Variants in DSG4 observed in about 807,000 individuals in gnomAD.
DSG4 encodes desmoglein-4.
DSG4 carries 87 observed loss-of-function variants against 93.1 expected under a neutral mutation model. The ratio of observed to expected loss-of-function variants is 0.93; its 90% CI spans 0.79 to 1.12. The LOEUF is 1.12. Among genes scored for constraint, DSG4 ranks in the 50% most tolerant of loss-of-function variants. DSG4 has a pLI of 0.00. For synonymous variants in DSG4, 432 were observed against 452.9 expected, an observed-to-expected ratio of 0.95 and a Z score of 0.59; for missense variants, 1,373 against 1,285.7, an observed-to-expected ratio of 1.07 and a Z score of -1.04.
At chr18:31,397,650 GGAGA>G (rs2072319666) in intron 8 of DSG4, among the ~76,000 whole-genome samples, 1 of 152,062 alleles carries the variant, frequency 6.6e-6, no homozygotes, top group Admixed American at 6.6e-5. Context: ...TGTTCAATGG[GGAGA>G]GAACTATTAA....
intron 1 of DSG4, among the ~76,000 whole-genome samples, chr18:31,378,083 G>A (rs1296398400): frequency 1.3e-5 from 2 of 152,182 alleles, no homozygotes; most frequent in East Asian, 3.9e-4. Context: ...CACTGCCAAA[G>A]GGCACACAAC....
At chr18:31,411,204 T>C (rs770386176) in intron 14 of DSG4, 27 bp from the exon 15 acceptor site, 6 of 1,614,256 alleles carry the variant, frequency 3.7e-6, no homozygotes, top group Middle Eastern at 1.6e-4. Flanking sequence ...ACTCCAGCGC[T>C]GTTAAACCAA....
intron 8 of DSG4, among the ~76,000 whole-genome samples, chr18:31,394,171 ACT>A (rs2072279303): frequency 6.6e-6 from 1 of 152,096 alleles, no homozygotes; most frequent in East Asian, 1.9e-4. Flanking sequence ...TGAGATAGAA[ACT>A]CTGTATGATA....
At chr18:31,400,675 G>A (rs530568961) in intron 9 of DSG4, among the ~76,000 whole-genome samples, 20 of 152,052 alleles carry the variant, frequency 1.3e-4, no homozygotes, top group Non-Finnish European at 2.5e-4. Flanking sequence ...TAAAAATGAT[G>A]AAATTTTAAA....
intron 12 of DSG4, among the ~76,000 whole-genome samples, chr18:31,408,283 T>C (rs1489621266): frequency 6.6e-6 from 1 of 152,220 alleles, no homozygotes; most frequent in African/African-American, 2.4e-5. Context: ...TCATTTCATT[T>C]ATTAGATAGT....
chr18:31,395,167 A>G (rs1345766428), intron 8 of DSG4, among the ~76,000 whole-genome samples: 1 of 152,090 alleles, frequency 6.6e-6, no homozygotes, highest in Non-Finnish European at 1.5e-5. Flanking sequence ...ACTTCTGCAT[A>G]CAATTATAAA....
chr18:31,381,744 C>T (rs1486763828), intron 1 of DSG4, among the ~76,000 whole-genome samples: 4 of 152,112 alleles, frequency 2.6e-5, no homozygotes, highest in African/African-American at 7.2e-5. Context: ...ACTGCAACGT[C>T]CCCCTCCCAG....
At position 31,392,215 on chromosome 18, in the gene DSG4, G is replaced by T. The variant is rs1029108052; in HGVS notation, c.880G>T (p.Asp294Tyr). Reference sequence around the variant, plus strand: ...GGAACTGATACGATTACAAGCAATTGATCTTGATGAAGAAGGCACTGATAA... The same window carrying T: ...GGAACTGATACGATTACAAGCAATTTATCTTGATGAAGAAGGCACTGATAA... ...SSELIRLQAI[D>Y]LDEEGTDNWL... The change falls in exon 8 of 16, where the codon GAT becomes TAT. Residue 294 changes from aspartate (D) to tyrosine (Y), a missense_variant. By Grantham distance (160) the Asp-to-Tyr change is radical (BLOSUM62 -3). Coordinates refer to ENST00000308128, the MANE Select transcript of DSG4 (RefSeq NM_177986.5). 3 of 1,613,792 alleles carry T rather than the reference G, an allele frequency of 1.9e-6. No homozygotes were observed. The highest frequency in any genetic ancestry group is 2.5e-6 in the Non-Finnish European group (3 of 1,179,860).
In DSG4 at chr18:31,403,554, C is replaced by T; in HGVS notation, c.1556C>T (p.Ser519Phe). 1 of 1,614,052 alleles carries T rather than the reference C, an allele frequency of 6.2e-7. No individual in the cohort carries two copies. The highest frequency in any genetic ancestry group is 8.5e-7 in the Non-Finnish European group (1 of 1,179,958). Residue 519 changes from serine to phenylalanine, a missense_variant, in exon 11 of 16, where the codon TCT becomes TTT. Physicochemically the swap from Ser to Phe is radical, Grantham distance 155 (BLOSUM62 -2). Coordinates refer to ENST00000308128, the MANE Select transcript of DSG4 (RefSeq NM_177986.5). ...GTCCTTATCTCTGTTAATGAACATT[C>T]TTATGGGTCTCCGTTTACTTTCTGT... ...PSVLISVNEH[S>F]YGSPFTFCVV...
intron 8 of DSG4, among the ~76,000 whole-genome samples, chr18:31,397,227 A>G (rs1021244618): frequency 6.6e-6 from 1 of 152,134 alleles, no homozygotes; most frequent in Non-Finnish European, 1.5e-5. Flanking sequence ...ACATTTCTGG[A>G]TGTGTTATCT....
At chr18:31,377,286 A>G (rs954130899) in intron 1 of DSG4, among the ~76,000 whole-genome samples, 2 of 152,222 alleles carry the variant, frequency 1.3e-5, no homozygotes, top group Non-Finnish European at 2.9e-5. Context: ...AATCAGATAG[A>G]TTGCTGTGAA....
chr18:31,411,341 G>T lies in DSG4; in HGVS notation c.2248G>T (p.Ala750Ser). Reference sequence around the variant, plus strand: ...CGTTGGCCTCATGGCCGCAGGGGCCGCAGGAGCCTCAGGGGCCGCAAGGAA... The same window carrying T: ...CGTTGGCCTCATGGCCGCAGGGGCCTCAGGAGCCTCAGGGGCCGCAAGGAA... ...TAVGLMAAGA[A>S]GASGAARKRS... The change falls in exon 15 of 16, where the codon GCA becomes TCA. Residue 750 changes from alanine (A) to serine (S), a missense_variant. Physicochemically the swap from Ala to Ser is moderately conservative, Grantham distance 99. Transcript: ENST00000308128. The T allele has an allele frequency of 6.2e-7, 1 of 1,611,070 alleles. No individual in the cohort carries two copies. Among genetic ancestry groups the T allele is most frequent in the Non-Finnish European group, 8.5e-7 (1 of 1,179,890 alleles).
chr18:31,389,975 C>T (rs188831689), intron 5 of DSG4, among the ~76,000 whole-genome samples: 1 of 152,238 alleles, frequency 6.6e-6, no homozygotes, highest in African/African-American at 2.4e-5. Flanking sequence ...AACCAAGTCT[C>T]CCTGCCTAGG....
At position 31,399,417 on chromosome 18, in the gene DSG4, C is replaced by T. The variant is rs1450376792; in HGVS notation, c.1151C>T (p.Ala384Val). The T allele has an allele frequency of 1.2e-6, 2 of 1,613,968 alleles. No homozygotes were observed. The highest frequency in any genetic ancestry group is 1.7e-6 in the Non-Finnish European group (2 of 1,179,958). ...GTTGTTGATGTGAGAGAAGGACCTG[C>T]ATTTCATCCAAGTACTATGGCTTTT... ...IQVVDVREGP[A>V]FHPSTMAFSV... is the part of the protein sequence containing the mutation. Residue 384 changes from alanine (A) to valine (V), a missense_variant, in exon 9 of 16, where the codon GCA becomes GTA. Ala to Val is a moderately conservative substitution (Grantham distance 64). Transcript: ENST00000308128.
At position 31,414,336 on chromosome 18, in the gene DSG4, A is replaced by T. The variant is rs1275456136; in HGVS notation, c.*741A>T. 1.3e-5 allele frequency: 2 copies of T among 152,180 alleles called. No homozygotes were observed. Among genetic ancestry groups the T allele is most frequent in the African/African-American group, 4.8e-5 (2 of 41,444 alleles). The allele number at this position is 152,180 out of a possible 1,614,324, so 9.4% of individuals were successfully genotyped here. On this transcript the variant is annotated 3_prime_UTR_variant, in exon 16 of 16. Coordinates refer to ENST00000308128, the MANE Select transcript of DSG4 (RefSeq NM_177986.5). Reference sequence around the variant, plus strand: ...TAGAAAGAGTTATTGGGGAAATATTAGAGTTTTCCCCACTTACAGGGAATT... The same window carrying T: ...TAGAAAGAGTTATTGGGGAAATATTTGAGTTTTCCCCACTTACAGGGAATT...
chr18:31,376,948 A>G lies in DSG4; in HGVS notation c.37A>G (p.Ile13Val). The G allele has an allele frequency of 6.2e-7, 1 of 1,613,516 alleles. No individual in the cohort carries two copies. Among genetic ancestry groups the G allele is most frequent in the Non-Finnish European group, 8.5e-7 (1 of 1,179,632 alleles). The change falls in exon 1 of 16, where the codon ATC (isoleucine) becomes GTC (valine). Residue 13 changes from isoleucine to valine, a missense_variant. Transcript: ENST00000308128. ...WLFFRNICLL[I>V]ILMVVMEVNS... ...CTTCTTCAGAAACATTTGCCTTTTG[A>G]TCATTCTAATGGTAAGTAGAATTTA...
In DSG4 at chr18:31,400,861, ACT is replaced by A. The variant is rs1480958859; in HGVS notation, c.1278-19_1278-18del. ...AACTTTCATAAAAGCATGATAACGA[ACT>A]TTTTTATTTAAAAACAGATATATCA... On this transcript the variant is annotated intron_variant, in intron 9 of 15. Coordinates refer to ENST00000308128, the MANE Select transcript of DSG4 (RefSeq NM_177986.5). 1 of 1,610,778 alleles carries A rather than the reference ACT, an allele frequency of 6.2e-7. No homozygotes were observed.
chr18:31,400,758 G>A (rs2072355995), intron 9 of DSG4, 123 bp from the exon 10 acceptor site: 1 of 947,440 alleles, frequency 1.1e-6, no homozygotes, highest in Non-Finnish European at 1.6e-6. Flanking sequence ...TATAAACCAA[G>A]GCAATCATCA....
chr18:31,412,779 AT>A lies in DSG4; in HGVS notation c.2356-45del, dbSNP rs2072508695. ...TGAGGGATTGCTGTTATTCTTCCTT[AT>A]TTTAGGGAAAAAGAAATTTCTAATT... On this transcript the variant is annotated intron_variant, in intron 15 of 15. Coordinates refer to ENST00000308128, the MANE Select transcript of DSG4 (RefSeq NM_177986.5). 1.9e-6 allele frequency: 3 copies of A among 1,604,182 alleles called. No homozygotes were observed. In the African/African-American group the frequency reaches 4.0e-5, roughly 21 times the overall value.
Sources: allele counts gnomAD v4.1 joint callset (sites outside exome capture counted in the v4.1 genomes callset), GRCh38; gene constraint gnomAD v4.1.1; transcripts MANE v1.5; gene names NCBI Gene and HGNC (gene_info 2026-07-23, HGNC 2026-07-21).